Variants in LARGE1 observed in about 807,000 individuals in gnomAD.
LARGE1 encodes xylosyl- and glucuronyltransferase LARGE1.
A neutral mutation model predicts 87.6 loss-of-function variants in LARGE1; 43 were observed. The observed-to-expected ratio is 0.49, with a 90% confidence interval of 0.38 to 0.63. The LOEUF is 0.63. Among genes scored for constraint, LARGE1 ranks in the 30% least tolerant of loss-of-function variants. The pLI, the probability that LARGE1 is intolerant of heterozygous loss-of-function variation, is 0.00. For synonymous variants in LARGE1, 434 were observed against 394.6 expected (o/e 1.10, Z -1.18); for missense variants, 802 against 1,000.2 (o/e 0.80, Z 2.67).
chr22:33,528,494 T>A (rs1427110772), intron 6 of LARGE1, among the ~76,000 whole-genome samples: 3 of 151,922 alleles, frequency 2.0e-5, no homozygotes, highest in African/African-American at 7.3e-5. Context: ...AATGGCAGAG[T>A]TAGCATTATC....
At chr22:33,416,342 C>T (rs1209423957) in intron 7 of LARGE1, among the ~76,000 whole-genome samples, 1 of 152,176 alleles carries the variant, frequency 6.6e-6, no homozygotes, top group African/African-American at 2.4e-5. Context: ...CTCTGTTGAA[C>T]AGCAAGCTCT....
intron 6 of LARGE1, among the ~76,000 whole-genome samples, chr22:33,512,985 G>C (rs1569227683): frequency 6.6e-6 from 1 of 152,052 alleles, no homozygotes. Context: ...CCAGATGTGT[G>C]ACATCACTCC....
chr22:33,660,265 C>A (rs929348068), intron 2 of LARGE1, among the ~76,000 whole-genome samples: 3 of 152,024 alleles, frequency 2.0e-5, no homozygotes, highest in Non-Finnish European at 2.9e-5. Context: ...GCATTCAAAT[C>A]GTCACCAACC....
At chr22:33,743,434 T>C (rs1322815380) in intron 2 of LARGE1, among the ~76,000 whole-genome samples, 1 of 152,090 alleles carries the variant, frequency 6.6e-6, no homozygotes, top group African/African-American at 2.4e-5. Context: ...GAGTCATCAC[T>C]GACTCTTTCT....
chr22:33,478,051 C>T (rs1016570046), intron 6 of LARGE1, among the ~76,000 whole-genome samples: 3 of 152,118 alleles, frequency 2.0e-5, no homozygotes, highest in South Asian at 2.1e-4. Context: ...CACTCACCCA[C>T]GCATAGGTTG....
intron 7 of LARGE1, among the ~76,000 whole-genome samples, chr22:33,405,547 C>CT (rs971426841): frequency 6.6e-6 from 1 of 152,048 alleles, no homozygotes; most frequent in Admixed American, 6.6e-5. Context: ...CCTTCTTTTC[C>CT]TTTTTTTCTA....
chr22:33,314,194 C>G (rs1403198750), intron 11 of LARGE1, among the ~76,000 whole-genome samples: 2 of 152,122 alleles, frequency 1.3e-5, no homozygotes, highest in Non-Finnish European at 2.9e-5. Context: ...CTCTTTTGTC[C>G]CATGCTGTCT....
rs1490693475 is a variant in LARGE1 at position 33,361,421 on chromosome 22, T to C, written c.1131+20498A>G. 2.7e-5 allele frequency among the ~76,000 whole-genome samples: 4 copies of C among 149,210 alleles called. 1 individual carries two copies. The highest frequency in any genetic ancestry group is 4.9e-5 in the African/African-American group (2 of 40,512). ...TTCTACATAAACATTTTTGAAGCAATGGCCCAGCTGTGTGCATCTATTTCT... is the reference window on the plus strand; with the variant it reads ...TTCTACATAAACATTTTTGAAGCAACGGCCCAGCTGTGTGCATCTATTTCT... On this transcript the variant is annotated intron_variant, in intron 9 of 14. Coordinates refer to ENST00000397394, the MANE Select transcript of LARGE1 (RefSeq NM_133642.5).
intron 11 of LARGE1, among the ~76,000 whole-genome samples, chr22:33,230,004 C>CTTTTTTTT (rs557120175): frequency 1.2e-5 from 1 of 81,136 alleles, no homozygotes. Context: ...TTTCAAAGTT[C>CTTTTTTTT]TTTTTTTTTT....
At chr22:33,416,317 GCTGGGGGCTTGCTGCT>G (rs2066481972) in intron 7 of LARGE1, among the ~76,000 whole-genome samples, 1 of 152,126 alleles carries the variant, frequency 6.6e-6, no homozygotes, top group Non-Finnish European at 1.5e-5. Flanking sequence ...TCCAACCTGG[GCTGGGGGCTTGCTGCT>G]CTGTTGAACA....
chr22:33,477,572 G>A (rs1197469459), intron 6 of LARGE1, among the ~76,000 whole-genome samples: 1 of 152,046 alleles, frequency 6.6e-6, no homozygotes, highest in Non-Finnish European at 1.5e-5. Context: ...CCCAAAGCTT[G>A]CCTGTGGTTA....
chr22:33,674,390 GT>G (rs1334136162), intron 2 of LARGE1, among the ~76,000 whole-genome samples: 1 of 152,150 alleles, frequency 6.6e-6, no homozygotes. Context: ...CTACTATCAT[GT>G]CCTTAACTGG....
At chr22:33,533,121 C>A (rs1232128348) in intron 6 of LARGE1, among the ~76,000 whole-genome samples, 5 of 152,176 alleles carry the variant, frequency 3.3e-5, no homozygotes, top group Admixed American at 3.3e-4. Context: ...TATGAGCATC[C>A]TGGGCTGAGT....
At chr22:33,120,358 T>TTTTCTTTCTTTCTTTCTTTCTTTC in the LARGE1 span, among the ~76,000 whole-genome samples, 5 of 118,686 alleles carry the variant, frequency 4.2e-5, no homozygotes, top group East Asian at 2.4e-4. Flanking sequence ...TTTTCTTTCT[T>TTTTCTTTCTTTCTTTCTTTCTTTC]TTTCTTTCTT....
chr22:33,214,506 T>C (rs928879281), intron 11 of LARGE1, among the ~76,000 whole-genome samples: 1 of 152,130 alleles, frequency 6.6e-6, no homozygotes, highest in African/African-American at 2.4e-5. Flanking sequence ...TCCTCTCCTT[T>C]CTTTTTCCCA....
chr22:33,546,512 TTGAC>T (rs1450461872), intron 6 of LARGE1, among the ~76,000 whole-genome samples: 8 of 152,210 alleles, frequency 5.3e-5, no homozygotes, highest in Non-Finnish European at 1.2e-4. Context: ...TCCTTTATCT[TTGAC>T]TGCCCTTCGG....
rs568844007 is a variant in LARGE1, at chr22:33,896,396, T to C, written c.-83+23599A>G. On this transcript the variant is annotated intron_variant, in intron 1 of 14. Coordinates refer to ENST00000397394, the MANE Select transcript of LARGE1 (RefSeq NM_133642.5). Reference sequence around the variant, plus strand: ...TGAATGACGCTGCTATGAACATGAGTATGCAAATATCTCTTTAGAACTGTG... The same window carrying C: ...TGAATGACGCTGCTATGAACATGAGCATGCAAATATCTCTTTAGAACTGTG... Among the ~76,000 whole-genome samples, 7 of 152,258 alleles carry C rather than the reference T, an allele frequency of 4.6e-5. No individual in the cohort carries two copies. The East Asian group carries it at 1.2e-3, about 25-fold the overall frequency.
chr22:33,708,934 G>T lies in LARGE1; in HGVS notation c.106+52437C>A, dbSNP rs570601578. Among the ~76,000 whole-genome samples the T allele has an allele frequency of 2.5e-4, 38 of 152,278 alleles. 1 individual carries two copies. Among genetic ancestry groups the T allele is most frequent in the African/African-American group, 7.9e-4 (33 of 41,562 alleles). ...TTCTTCTGCGGCCTCTCCTTGGCCTGCAGCTGGCCATCTTCTGCTAGTGTC... is the reference window on the plus strand; with the variant it reads ...TTCTTCTGCGGCCTCTCCTTGGCCTTCAGCTGGCCATCTTCTGCTAGTGTC... On this transcript the variant is annotated intron_variant, in intron 2 of 14. Coordinates refer to ENST00000397394, the MANE Select transcript of LARGE1 (RefSeq NM_133642.5).
chr22:33,172,218 T>G (rs1922614954), intron 11 of LARGE1, among the ~76,000 whole-genome samples: 1 of 152,242 alleles, frequency 6.6e-6, no homozygotes, highest in South Asian at 2.1e-4. Flanking sequence ...CCATTGTATC[T>G]TGGAAGTAAC....
Sources: allele counts gnomAD v4.1 joint callset (sites outside exome capture counted in the v4.1 genomes callset), GRCh38; gene constraint gnomAD v4.1.1; transcripts MANE v1.5; gene names NCBI Gene and HGNC (gene_info 2026-07-23, HGNC 2026-07-21).